The following GPR39 variants were observed in gnomAD, a reference collection of about 807,000 sequenced individuals.
The protein encoded by GPR39 is G protein-coupled receptor 39, also known as zinc sensing receptor.
In GPR39, 23 loss-of-function variants were observed where a neutral mutation model predicts 18.4. The observed-to-expected ratio is 1.25, with a 90% CI of 0.90 to 1.77. The LOEUF is 1.77. GPR39 is among the 40% of genes most tolerant of loss of function. The pLI, the probability that GPR39 is intolerant of heterozygous loss-of-function variation, is 0.00. For synonymous variants in GPR39, 280 were observed against 257.9 expected (o/e 1.09, Z -0.82); for missense variants, 647 against 602.4 (o/e 1.07, Z -0.78).
intron 1 of GPR39, among the ~76,000 whole-genome samples, chr2:132,575,320 T>C (rs1680511350): frequency 6.6e-6 from 1 of 152,244 alleles, no homozygotes; most frequent in Non-Finnish European, 1.5e-5. Flanking sequence ...TGTGTTTTCT[T>C]TTGTGTTTAA....
rs148335759 is a variant in GPR39, at chr2:132,538,677, C to T, written c.857-106424C>T. On this transcript the variant is annotated intron_variant, in intron 1 of 1. Transcript: ENST00000329321. Reference sequence around the variant, plus strand: ...AGCTGTGACAGCACCCATCCCTCCCCCCGGGTGCTCTGTCCCAGGGAGATG... The same window carrying T: ...AGCTGTGACAGCACCCATCCCTCCCTCCGGGTGCTCTGTCCCAGGGAGATG... Among the ~76,000 whole-genome samples the T allele has an allele frequency of 9.2e-5, 14 of 152,304 alleles. 1 individual carries two copies. Among genetic ancestry groups the T allele is most frequent in the African/African-American group, 2.9e-4 (12 of 41,574 alleles).
chr2:132,438,541 A>G (rs1388322534), intron 1 of GPR39, among the ~76,000 whole-genome samples: 2 of 135,026 alleles, frequency 1.5e-5, no homozygotes, highest in Non-Finnish European at 3.1e-5. Flanking sequence ...CCCTGTTTCT[A>G]TATAGCTCAT....
At chr2:132,621,154 T>G (rs1328633059) in intron 1 of GPR39, among the ~76,000 whole-genome samples, 2 of 152,176 alleles carry the variant, frequency 1.3e-5, no homozygotes, top group Non-Finnish European at 2.9e-5. Flanking sequence ...GCTGCTTCCC[T>G]GGCTTCAGCC....
At chr2:132,581,446 T>C (rs1165855232) in intron 1 of GPR39, among the ~76,000 whole-genome samples, 2 of 152,064 alleles carry the variant, frequency 1.3e-5, no homozygotes, top group Admixed American at 1.3e-4. Flanking sequence ...TGCAGATGCT[T>C]TTAAATATTA....
At chr2:132,508,693 A>G (rs926413288) in intron 1 of GPR39, among the ~76,000 whole-genome samples, 6 of 152,316 alleles carry the variant, frequency 3.9e-5, no homozygotes, top group Middle Eastern at 6.8e-3. Flanking sequence ...GTTAGCAGTC[A>G]CTTACCACCA....
chr2:132,630,546 A>T (rs1196774537), intron 1 of GPR39, among the ~76,000 whole-genome samples: 1 of 152,186 alleles, frequency 6.6e-6, no homozygotes, highest in African/African-American at 2.4e-5. Context: ...AAGGTTAATA[A>T]CAAGCCATCG....
chr2:132,475,300 G>T (rs1241483552), intron 1 of GPR39, among the ~76,000 whole-genome samples: 1 of 151,068 alleles, frequency 6.6e-6, no homozygotes, highest in African/African-American at 2.4e-5. Context: ...AGTTCATCTA[G>T]TATATAGTCT....
intron 1 of GPR39, among the ~76,000 whole-genome samples, chr2:132,516,916 G>T (rs1005853561): frequency 2.0e-5 from 3 of 152,178 alleles, no homozygotes; most frequent in Non-Finnish European, 2.9e-5. Context: ...GGAGAAGAAA[G>T]ATTATTTCAT....
rs1195821740 is a variant in GPR39 at position 132,417,896 on chromosome 2, T to C, written c.854T>C (p.Leu285Pro). The change falls in exon 1 of 2, where the codon CTG becomes CCG. Residue 285 changes from leucine to proline, a missense_variant and splice_region_variant. Physicochemically the swap from Leu to Pro is moderately conservative, Grantham distance 98. Transcript: ENST00000329321. ...RTARRQTIIF[L>P]RLIVVTLAVC... ...GCCAGGAGGCAGACCATCATCTTCC[T>C]GAGTGAGTCCTAAGTCGGGGGCAAC... The C allele has an allele frequency of 1.9e-6, 3 of 1,581,356 alleles. No individual in the cohort carries two copies. In the Admixed American group the frequency reaches 5.1e-5, roughly 27 times the overall value.
intron 1 of GPR39, among the ~76,000 whole-genome samples, chr2:132,490,493 G>A (rs1681435441): frequency 6.6e-6 from 1 of 151,932 alleles, no homozygotes; most frequent in Non-Finnish European, 1.5e-5. Flanking sequence ...ACACAACGGA[G>A]GGTTTGATAG....
intron 1 of GPR39, chr2:132,604,627 A>C (rs2104844435): frequency 6.6e-6 from 1 of 152,382 alleles, no homozygotes; most frequent in South Asian, 2.1e-4. Context: ...CAGAAGGATA[A>C]GTGCTGCTTT....
intron 1 of GPR39, among the ~76,000 whole-genome samples, chr2:132,589,976 T>A (rs1046268923): frequency 6.6e-6 from 1 of 152,238 alleles, no homozygotes; most frequent in Non-Finnish European, 1.5e-5. Context: ...CCCATGAATG[T>A]GCTAGTTCTG....
At chr2:132,570,604 G>T (rs187505969) in intron 1 of GPR39, among the ~76,000 whole-genome samples, 12 of 152,222 alleles carry the variant, frequency 7.9e-5, no homozygotes, top group Non-Finnish European at 1.8e-4. Context: ...CAAGACACAT[G>T]AAAAGGACAC....
At chr2:132,640,852 A>G (rs550892317) in intron 1 of GPR39, among the ~76,000 whole-genome samples, 16 of 152,322 alleles carry the variant, frequency 1.1e-4, no homozygotes, top group African/African-American at 3.8e-4. Context: ...TAGAACAACA[A>G]ACTTTTTTTA....
intron 1 of GPR39, among the ~76,000 whole-genome samples, chr2:132,639,021 T>C (rs1241423303): frequency 6.6e-6 from 1 of 152,162 alleles, no homozygotes; most frequent in South Asian, 2.1e-4. Context: ...TGACTCTTAC[T>C]CTCCTTAACT....
rs764857394 is a variant in GPR39 at position 132,417,533 on chromosome 2, C to A, written c.491C>A (p.Ala164Asp). 25 of 1,614,070 alleles carry A rather than the reference C, an allele frequency of 1.5e-5. No homozygotes were observed. Among genetic ancestry groups the A allele is most frequent in the Non-Finnish European group, 1.9e-5 (23 of 1,180,056 alleles). The change falls in exon 1 of 2, where the codon GCC becomes GAC. Residue 164 changes from alanine to aspartate, a missense_variant. By Grantham distance (126) the Ala-to-Asp change is moderately radical (BLOSUM62 -2). Transcript: ENST00000329321. ...ATTGGCTTCGTCTGGGTCACCTCCG[C>A]CCTGGTGGCACTGCCCTTGCTGTTT... is the stretch of plus-strand genomic sequence containing the variant. ...LLIGFVWVTS[A>D]LVALPLLFAM...
At chr2:132,549,655 G>T (rs775054424) in intron 1 of GPR39, among the ~76,000 whole-genome samples, 3 of 152,144 alleles carry the variant, frequency 2.0e-5, no homozygotes, top group Non-Finnish European at 4.4e-5. Flanking sequence ...AGACGTGGTG[G>T]TGCGCACCTG....
At chr2:132,477,639 T>C (rs993955322) in intron 1 of GPR39, among the ~76,000 whole-genome samples, 4 of 152,208 alleles carry the variant, frequency 2.6e-5, no homozygotes, top group Non-Finnish European at 2.9e-5. Flanking sequence ...TAATAAGTTA[T>C]TGAAACATGG....
chr2:132,564,810 C>CTTTTTTTTTTTTTTTTTTTTTTTTTTT lies in GPR39; in HGVS notation c.857-80270_857-80269insTTTTTTTTTTTTTTTTTTTTTTTTTTT, dbSNP rs948881403. ...TTTAATAACTATTTTTTTCTTTTTT[C>CTTTTTTTTTTTTTTTTTTTTTTTTTTT]TTTTTTTTTTTTTTTTTTTTTGTTG... On this transcript the variant is annotated intron_variant, in intron 1 of 1. Coordinates refer to ENST00000329321, the MANE Select transcript of GPR39 (RefSeq NM_001508.3). Among the ~76,000 whole-genome samples, 103 of 95,440 alleles carry CTTTTTTTTTTTTTTTTTTTTTTTTTTT rather than the reference C, an allele frequency of 1.1e-3. 16 individuals are homozygous for CTTTTTTTTTTTTTTTTTTTTTTTTTTT. Among genetic ancestry groups the CTTTTTTTTTTTTTTTTTTTTTTTTTTT allele is most frequent in the Non-Finnish European group, 1.5e-3 (78 of 51,630 alleles). The allele number at this position is 95,440 out of a possible 152,430, so 62.6% of individuals were successfully genotyped here.
Sources: gnomAD v4.1 joint callset for allele counts (sites outside exome capture counted in the v4.1 genomes callset) on GRCh38, gnomAD v4.1.1 for gene constraint, MANE v1.5 for transcripts, NCBI Gene and HGNC (gene_info 2026-07-23, HGNC 2026-07-21) for gene names.